Variants in CLEC1B observed in about 807,000 individuals in gnomAD.
The protein encoded by CLEC1B is C-type lectin domain family 1 member B, also known as C-type lectin-like receptor 2.
Under a neutral mutation model 26.7 loss-of-function variants are expected in CLEC1B, and 26 were observed. The observed-to-expected ratio is 0.97, with a 90% confidence interval of 0.71 to 1.35. The LOEUF (loss-of-function observed/expected upper bound fraction) is 1.35. CLEC1B is among the 40% of genes most tolerant of loss of function. The pLI is 0.00. For missense variants in CLEC1B, 293 were observed against 282.6 expected, an observed-to-expected ratio of 1.04 and a Z score of -0.26; for synonymous variants, 112 against 96.0, an observed-to-expected ratio of 1.17 and a Z score of -0.97.
chr12:9,994,989 T>TA, intron 5 of CLEC1B, 151 bp downstream of exon 5: 1 of 1,538,244 alleles, frequency 6.5e-7, no homozygotes, highest in African/African-American at 1.4e-5. Context: ...AGAATTGTCT[T>TA]ATGACCAGCG....
chr12:9,995,562 G>A, intron 4 of CLEC1B: 1 of 353,658 alleles, frequency 2.8e-6, no homozygotes. Flanking sequence ...ATGATTCAAA[G>A]GAATAAATGT....
intron 5 of CLEC1B, 70 bp from the exon 6 acceptor site, chr12:9,993,357 T>C (rs762072167): frequency 4.5e-6 from 6 of 1,337,084 alleles, no homozygotes; most frequent in East Asian, 4.6e-5. Context: ...ACTCTGCGTA[T>C]AGTAGTTTGA....
intron 4 of CLEC1B, among the ~76,000 whole-genome samples, chr12:9,995,923 G>A (rs1257791150): frequency 6.6e-6 from 1 of 152,044 alleles, no homozygotes; most frequent in East Asian, 1.9e-4. Flanking sequence ...AACTGCATAG[G>A]TCCAAATTCT....
chr12:9,996,558 A>G (rs1174151551), intron 4 of CLEC1B, among the ~76,000 whole-genome samples: 1 of 151,764 alleles, frequency 6.6e-6, no homozygotes, highest in African/African-American at 2.4e-5. Context: ...AGAGGACACA[A>G]ATAAATATGA....
chr12:9,998,985 T>C, intron 1 of CLEC1B, 52 bp downstream of exon 1: 1 of 1,034,456 alleles, frequency 9.7e-7, no homozygotes, highest in South Asian at 1.4e-5. Context: ...AAGAATTGAA[T>C]CAACTCATTT....
In CLEC1B at chr12:9,994,992, G is replaced by A. The variant is rs556101520; in HGVS notation, c.545+148C>T. Reference sequence around the variant, plus strand: ...GAGAGAGGGGAAAGAATTGTCTTATGACCAGCGCTGTCTTGTTTGAATTAG... The same window carrying A: ...GAGAGAGGGGAAAGAATTGTCTTATAACCAGCGCTGTCTTGTTTGAATTAG... On this transcript the variant is annotated intron_variant, in intron 5 of 5. Coordinates refer to ENST00000298527, the MANE Select transcript of CLEC1B (RefSeq NM_016509.4). The A allele has an allele frequency of 6.5e-5, 101 of 1,542,652 alleles. No homozygotes were observed. In the South Asian group the frequency reaches 1.1e-3, roughly 16 times the overall value.
intron 3 of CLEC1B, 37 bp from the exon 4 acceptor site, chr12:9,997,037 T>C: frequency 6.2e-7 from 1 of 1,611,560 alleles, no homozygotes; most frequent in Non-Finnish European, 8.5e-7. Flanking sequence ...GTATTTTTTC[T>C]AAATTGGGCT....
chr12:9,996,988 C>A lies in CLEC1B; in HGVS notation c.296G>T (p.Cys99Phe). The A allele has an allele frequency of 6.2e-7, 1 of 1,613,966 alleles. No homozygotes were observed. The highest frequency in any genetic ancestry group is 1.3e-5 in the African/African-American group (1 of 75,032). The change falls in exon 4 of 6, where the codon TGC (cysteine) becomes TTC (phenylalanine). Residue 99 changes from cysteine to phenylalanine, a missense_variant. Transcript: ENST00000298527. ...TCTCCAGTTTGTGTCACAGGGGCTG[C>A]ATTTATGACCTTCTGGAGAAACCAA... ...ELKGTFKGHKCSPCDTNWRYY... is the reference protein window; with the variant it reads ...ELKGTFKGHKFSPCDTNWRYY...
Sources: gnomAD v4.1 joint callset for allele counts (sites outside exome capture counted in the v4.1 genomes callset) on GRCh38, gnomAD v4.1.1 for gene constraint, MANE v1.5 for transcripts, NCBI Gene and HGNC (gene_info 2026-07-23, HGNC 2026-07-21) for gene names.